Variants in ELP2 observed in about 807,000 individuals in gnomAD.
ELP2 encodes elongator complex protein 2.
ELP2 carries 90 observed loss-of-function variants against 119.2 expected under a neutral mutation model. The observed-to-expected ratio is 0.75, with a 90% CI of 0.64 to 0.90. The LOEUF is 0.90. Ranked by LOEUF, ELP2 falls within the 40% of genes least tolerant of loss-of-function variation. The probability of loss-of-function intolerance (pLI) is 0.00; values close to 1 mark genes in which losing one functional copy is unlikely to be tolerated. For missense variants in ELP2, 921 were observed against 967.8 expected, an observed-to-expected ratio of 0.95 and a Z score of 0.64; for synonymous variants, 339 against 331.0, an observed-to-expected ratio of 1.02 and a Z score of -0.26.
chr18:36,142,907 A>G lies in ELP2; in HGVS notation c.737A>G (p.Glu246Gly). The G allele has an allele frequency of 6.2e-7, 1 of 1,600,418 alleles. No individual in the cohort carries two copies. Among genetic ancestry groups the G allele is most frequent in the Admixed American group, 1.7e-5 (1 of 59,422 alleles). The change falls in exon 8 of 22, where the codon GAA becomes GGA. Residue 246 changes from glutamate (E) to glycine (G), a missense_variant. Transcript: ENST00000358232. The part of the protein sequence containing the change: ...WKLYIKSTSL[E>G]TQDDDNIRLK... ...CTGTATATAAAGTCAACATCTTTAG[A>G]AACTCAGGATGACGATAACATAAGA...
At chr18:36,139,416 C>T (rs1004433881) in intron 5 of ELP2, 1 of 1,535,128 alleles carries the variant, frequency 6.5e-7, no homozygotes, top group Non-Finnish European at 8.7e-7. Flanking sequence ...TTTGCCTCCA[C>T]AGTTACCTGG....
chr18:36,133,214 C>T (rs1455629630), intron 1 of ELP2, 24 bp from the exon 2 acceptor site: 20 of 1,533,238 alleles, frequency 1.3e-5, no homozygotes, highest in Non-Finnish European at 1.8e-5. Context: ...TTCCAGTTTA[C>T]TAACTGTATT....
intron 21 of ELP2, 31 bp downstream of exon 21, chr18:36,171,191 A>T (rs1015148452): frequency 1.3e-6 from 2 of 1,536,478 alleles, no homozygotes; most frequent in East Asian, 4.6e-5. Flanking sequence ...TTTCCATCAG[A>T]TTAACTAGAA....
rs528881547 is a variant in ELP2 at position 36,176,981 on chromosome 18, T to C, written c.*2340T>C. On this transcript the variant is annotated 3_prime_UTR_variant, in exon 22 of 22. Transcript: ENST00000358232. The stretch of plus-strand genomic sequence containing the variant: ...TTTCTGTAGTGACGCACGTGTTGTG[T>C]GTGTATGTGTGCGTTTGAGGCTATA... The C allele has an allele frequency of 2.0e-5, 3 of 152,198 alleles. No individual in the cohort carries two copies. In the East Asian group the frequency reaches 5.8e-4, roughly 29 times the overall value. The allele number at this position is 152,198 out of a possible 1,614,324, so 9.4% of individuals were successfully genotyped here. A position where few individuals can be genotyped will look rare whatever the true frequency, so the allele number is the denominator to read the frequency against.
At chr18:36,167,762 C>T (rs2090951577) in intron 19 of ELP2, among the ~76,000 whole-genome samples, 1 of 151,812 alleles carries the variant, frequency 6.6e-6, no homozygotes, top group East Asian at 1.9e-4. Flanking sequence ...CAGCCTGGAC[C>T]TCCTGGGCCC....
intron 2 of ELP2, among the ~76,000 whole-genome samples, chr18:36,135,897 G>C (rs367971273): frequency 6.6e-6 from 1 of 152,208 alleles, no homozygotes; most frequent in Non-Finnish European, 1.5e-5. Flanking sequence ...TATTTCCTTA[G>C]ATTCTGAATC....
At chr18:36,164,889 G>A (rs1246219584) in intron 18 of ELP2, 6 of 559,034 alleles carry the variant, frequency 1.1e-5, no homozygotes, top group East Asian at 3.1e-5. Flanking sequence ...TGATTATGTA[G>A]TCAAGATGGC....
chr18:36,148,532 G>A (rs1049124794), intron 11 of ELP2, among the ~76,000 whole-genome samples: 2 of 152,118 alleles, frequency 1.3e-5, no homozygotes, highest in Non-Finnish European at 2.9e-5. Flanking sequence ...AACACCTCAG[G>A]CCATGGATCC....
rs3833186 is a variant in ELP2 at position 36,176,509 on chromosome 18, GC to G, written c.*1869del. The G allele has an allele frequency of 0.054, 8,213 of 152,270 alleles. 277 individuals carry two copies. The highest frequency in any genetic ancestry group is 0.096 in the East Asian group (498 of 5,188). 9.4% of individuals were successfully genotyped at this position (152,270 alleles called of 1,614,324 possible). On this transcript the variant is annotated 3_prime_UTR_variant, in exon 22 of 22. Coordinates refer to ENST00000358232, the MANE Select transcript of ELP2 (RefSeq NM_018255.4). ...CAGCACAGAACTCCCAAGGTTATCT[GC>G]AAGTAGGCCTTGCCTAGAGAGACTG...
At chr18:36,136,599 C>T (rs1370162923) in intron 3 of ELP2, 2 of 539,738 alleles carry the variant, frequency 3.7e-6, no homozygotes, top group African/African-American at 3.8e-5. Context: ...CTTTGTTGCC[C>T]AGGCTGGTCT....
intron 17 of ELP2, 125 bp from the exon 18 acceptor site, chr18:36,164,349 GA>G (rs1317665779): frequency 1.1e-5 from 9 of 849,398 alleles, no homozygotes; most frequent in African/African-American, 1.7e-5. Flanking sequence ...TATCTCCTAG[GA>G]ATTTTTTTTG....
At chr18:36,139,128 T>C (rs903534946) in intron 5 of ELP2, among the ~76,000 whole-genome samples, 2 of 152,184 alleles carry the variant, frequency 1.3e-5, no homozygotes, top group Non-Finnish European at 2.9e-5. Context: ...GATACTGTTA[T>C]CAAATATACT....
At chr18:36,171,016 A>G (rs2091063246) in intron 20 of ELP2, 31 bp from the exon 21 acceptor site, 1 of 1,416,182 alleles carries the variant, frequency 7.1e-7, no homozygotes, top group Non-Finnish European at 1.0e-6. Context: ...ATGCTAAGTT[A>G]ATCACTGTTG....
intron 19 of ELP2, 76 bp downstream of exon 19, chr18:36,167,298 A>G: frequency 1.7e-6 from 2 of 1,152,194 alleles, no homozygotes; most frequent in African/African-American, 3.1e-5. Context: ...TAAAAAATGC[A>G]TAATCCTGCC....
At chr18:36,171,864 G>A (rs1366816540) in intron 21 of ELP2, among the ~76,000 whole-genome samples, 1 of 152,072 alleles carries the variant, frequency 6.6e-6, no homozygotes, top group Non-Finnish European at 1.5e-5. Flanking sequence ...CTACAGACAC[G>A]CACCACCATG....
rs758567078 is a variant in ELP2 at position 36,155,002 on chromosome 18, A to C, written c.1275+3A>C. 1 of 1,610,016 alleles carries C rather than the reference A, an allele frequency of 6.2e-7. No homozygotes were observed. The highest frequency in any genetic ancestry group is 8.5e-7 in the Non-Finnish European group (1 of 1,176,368). On this transcript the variant is annotated splice_donor_region_variant and intron_variant, in intron 12 of 21. Coordinates refer to ENST00000358232, the MANE Select transcript of ELP2 (RefSeq NM_018255.4). Reference sequence around the variant, plus strand: ...GGAAGAGAAAAGACCAATCACAGGTAAAATGTCTTATTTATTTATTTATTT... The same window carrying C: ...GGAAGAGAAAAGACCAATCACAGGTCAAATGTCTTATTTATTTATTTATTT...
At position 36,130,091 on chromosome 18, in the gene ELP2, G is replaced by A. The variant is rs1013069636; in HGVS notation, c.138+20G>A. 6.2e-7 allele frequency: 1 copy of A among 1,613,978 alleles called. No homozygotes were observed. The highest frequency in any genetic ancestry group is 8.5e-7 in the Non-Finnish European group (1 of 1,180,014). ...CCCCTGGTAAGAGAGGTCGCTGGAC[G>A]GCCGACCCTTGTGCTTTTCGGGTTG... On this transcript the variant is annotated intron_variant, in intron 1 of 21. Transcript: ENST00000358232.
intron 15 of ELP2, 48 bp from the exon 16 acceptor site, chr18:36,159,910 T>C (rs1163449178): frequency 5.6e-6 from 9 of 1,606,018 alleles, no homozygotes; most frequent in South Asian, 4.4e-5. Context: ...AAATAAGTGC[T>C]ATAGAATTCA....
rs1269618849 is a variant in ELP2 at position 36,171,134 on chromosome 18, G to A, written c.2298G>A (p.Trp766Ter). The change falls in exon 21 of 22, where the codon TGG becomes TGA. Residue 766 changes from tryptophan to a stop codon, truncating the protein, a stop_gained. Coordinates refer to ENST00000358232, the MANE Select transcript of ELP2 (RefSeq NM_018255.4). LOFTEE classifies it high-confidence loss of function. Reference sequence around the variant, plus strand: ...ATCAAGTTCCAGAAATAAATGACTGGACCCACTGTGTAGAAACAAGTCAAA... The same window carrying A: ...ATCAAGTTCCAGAAATAAATGACTGAACCCACTGTGTAGAAACAAGTCAAA... ...KTDQVPEIND[W>*]THCVETSQSQ... The A allele has an allele frequency of 1.2e-6, 2 of 1,613,408 alleles. No homozygotes were observed. Among genetic ancestry groups the A allele is most frequent in the Non-Finnish European group, 1.7e-6 (2 of 1,179,502 alleles).
Sources: allele counts gnomAD v4.1 joint callset (sites outside exome capture counted in the v4.1 genomes callset), GRCh38; gene constraint gnomAD v4.1.1; transcripts MANE v1.5; gene names NCBI Gene and HGNC (gene_info 2026-07-23, HGNC 2026-07-21).